The following PRDM12 variants were observed in gnomAD, a reference collection of about 807,000 sequenced individuals.
The protein encoded by PRDM12 is PR domain zinc finger protein 12.
Under a neutral mutation model 29.6 loss-of-function variants are expected in PRDM12, and 17 were observed. That is an observed-to-expected ratio of 0.57 (90% confidence interval 0.39 to 0.86). The LOEUF (loss-of-function observed/expected upper bound fraction) is 0.86. Among genes scored for constraint, PRDM12 ranks in the 40% least tolerant of loss-of-function variants. PRDM12 has a pLI of 0.00. For synonymous variants in PRDM12, 231 were observed against 225.8 expected (o/e 1.02, Z -0.21); for missense variants, 422 against 510.8 (o/e 0.83, Z 1.68).
chr9:130,675,539 G>C (rs111788945), intron 3 of PRDM12, among the ~76,000 whole-genome samples: 1 of 152,224 alleles, frequency 6.6e-6, no homozygotes, highest in Admixed American at 6.5e-5. Context: ...ACCTGGATGC[G>C]CCAGAAACCG....
intron 2 of PRDM12, 105 bp downstream of exon 2, chr9:130,666,903 G>T (rs1029051997): frequency 7.0e-7 from 1 of 1,428,222 alleles, no homozygotes; most frequent in African/African-American, 1.5e-5. Flanking sequence ...GGCTGAGAGC[G>T]GCGGACACTC....
chr9:130,680,657 A>ATTTTTTTT (rs1399560598), intron 4 of PRDM12, among the ~76,000 whole-genome samples: 3 of 87,496 alleles, frequency 3.4e-5, no homozygotes, highest in African/African-American at 2.1e-4. Context: ...ATATATATAT[A>ATTTTTTTT]TATTTTTTTT....
chr9:130,669,684 C>A (rs374319454), intron 3 of PRDM12, among the ~76,000 whole-genome samples: 18 of 150,736 alleles, frequency 1.2e-4, no homozygotes, highest in African/African-American at 4.4e-4. Flanking sequence ...GGTGTGGTTG[C>A]GGGTGCCTGT....
intron 2 of PRDM12, among the ~76,000 whole-genome samples, chr9:130,667,940 G>A (rs989107258): frequency 2.6e-5 from 4 of 152,238 alleles, no homozygotes; most frequent in African/African-American, 7.2e-5. Flanking sequence ...TCAGCCCATA[G>A]AGCCCTGGAG....
chr9:130,676,837 G>A (rs1168638187), intron 3 of PRDM12, among the ~76,000 whole-genome samples: 2 of 152,200 alleles, frequency 1.3e-5, no homozygotes, highest in Non-Finnish European at 2.9e-5. Context: ...CTGAGTCTCA[G>A]GAGGATGGCT....
In PRDM12 at chr9:130,682,826, G is replaced by A. The variant is rs1013694711; in HGVS notation, c.*1157G>A. 6.6e-6 allele frequency: 1 copy of A among 152,616 alleles called. No homozygotes were observed. The highest frequency in any genetic ancestry group is 1.5e-5 in the Non-Finnish European group (1 of 68,046). The allele number at this position is 152,616 out of a possible 1,614,324, so 9.5% of individuals were successfully genotyped here. A position where few individuals can be genotyped will look rare whatever the true frequency, so the allele number is the denominator to read the frequency against. ...ATGTATAGAGTTTTCAAGAAACTGCGTTCTACTTCCAGAAGATGGTCACTT... is the reference window on the plus strand; with the variant it reads ...ATGTATAGAGTTTTCAAGAAACTGCATTCTACTTCCAGAAGATGGTCACTT... On this transcript the variant is annotated 3_prime_UTR_variant, in exon 5 of 5. Coordinates refer to ENST00000253008, the MANE Select transcript of PRDM12 (RefSeq NM_021619.3). The surrounding 1 kb of genome is among the most constrained non-coding windows in gnomAD (Gnocchi z 4.2).
chr9:130,666,993 C>T (rs895704266), intron 2 of PRDM12, among the ~76,000 whole-genome samples, 195 bp downstream of exon 2: 1 of 152,230 alleles, frequency 6.6e-6, no homozygotes, highest in African/African-American at 2.4e-5. Flanking sequence ...CCTCCCAACC[C>T]GTGCCGAAAA....
chr9:130,666,547 G>A, intron 1 of PRDM12, 61 bp from the exon 2 acceptor site: 2 of 1,562,584 alleles, frequency 1.3e-6, no homozygotes, highest in Non-Finnish European at 1.7e-6. Context: ...CGGCGGGGAA[G>A]GAAGGGCCGG....
In PRDM12 at chr9:130,668,078, G is replaced by A; in HGVS notation, c.415-80G>A. 6.8e-7 allele frequency: 1 copy of A among 1,473,030 alleles called. No homozygotes were observed. The highest frequency in any genetic ancestry group is 1.8e-5 in the Admixed American group (1 of 57,108). 91.2% of individuals were successfully genotyped at this position (1,473,030 alleles called of 1,614,324 possible). ...CCTGGGGCTGTTGTGAGGATGGAGA[G>A]TGTGTGTGTGGATGTGCCTGGAAGA... On this transcript the variant is annotated intron_variant, in intron 2 of 4. Coordinates refer to ENST00000253008, the MANE Select transcript of PRDM12 (RefSeq NM_021619.3). This position sits in a 1 kb window ranked among gnomAD's most constrained non-coding sequence, Gnocchi z 4.0.
In PRDM12 at chr9:130,678,523, C is replaced by G. The variant is rs1412710883; in HGVS notation, c.571-6C>G. Reference sequence around the variant, plus strand: ...CCCTGACCTCCTCTTGCCTTCTTCCCTGCAGATGATCCCACCTGACCAGGA... The same window carrying G: ...CCCTGACCTCCTCTTGCCTTCTTCCGTGCAGATGATCCCACCTGACCAGGA... On this transcript the variant is annotated splice_polypyrimidine_tract_variant and splice_region_variant and intron_variant, in intron 3 of 4. Transcript: ENST00000253008. 6.2e-7 allele frequency: 1 copy of G among 1,605,758 alleles called. No individual in the cohort carries two copies.
chr9:130,678,861 C>T (rs1830867567), intron 4 of PRDM12, among the ~76,000 whole-genome samples: 1 of 152,074 alleles, frequency 6.6e-6, no homozygotes, highest in African/African-American at 2.4e-5. Flanking sequence ...CCTCCTGCTT[C>T]CTGGCCAGAA....
In PRDM12 at chr9:130,664,621, C is replaced by A. The variant is rs774935706; in HGVS notation, c.-33C>A. On this transcript the variant is annotated 5_prime_UTR_variant, in exon 1 of 5. Coordinates refer to ENST00000253008, the MANE Select transcript of PRDM12 (RefSeq NM_021619.3). This position sits in a 1 kb window ranked among gnomAD's most constrained non-coding sequence, Gnocchi z 6.4. ...CGCCCACCTCCCCCGTCGGCCCGGCCGTCCCCCGGCGCCGGGGAGCTCCGG... is the reference window on the plus strand; with the variant it reads ...CGCCCACCTCCCCCGTCGGCCCGGCAGTCCCCCGGCGCCGGGGAGCTCCGG... 2.8e-5 allele frequency: 42 copies of A among 1,492,774 alleles called. No individual in the cohort carries two copies. Among genetic ancestry groups the A allele is most frequent in the Non-Finnish European group, 3.5e-5 (39 of 1,123,472 alleles). The allele number at this position is 1,492,774 out of a possible 1,614,324, so 92.5% of individuals were successfully genotyped here.
intron 3 of PRDM12, among the ~76,000 whole-genome samples, chr9:130,671,809 T>C (rs988200782): frequency 1.3e-5 from 2 of 152,224 alleles, no homozygotes; most frequent in Non-Finnish European, 2.9e-5. Flanking sequence ...GGACCTCTGC[T>C]GTGATGTTTT....
In PRDM12 at chr9:130,666,558, G is replaced by A. The variant is rs776687894; in HGVS notation, c.224-50G>A. ...GTCCCGGCGGGGAAGGAAGGGCCGG[G>A]CCTCGGCTGCCTCGGGCTCTGACCG... is the stretch of plus-strand genomic sequence containing the variant. On this transcript the variant is annotated intron_variant, in intron 1 of 4. Coordinates refer to ENST00000253008, the MANE Select transcript of PRDM12 (RefSeq NM_021619.3). The A allele has an allele frequency of 3.7e-5, 58 of 1,576,038 alleles. 2 individuals carry two copies. In the South Asian group the frequency reaches 6.1e-4, roughly 16 times the overall value.
chr9:130,664,891 C>A lies in PRDM12; in HGVS notation c.223+15C>A. On this transcript the variant is annotated intron_variant, in intron 1 of 4. Transcript: ENST00000253008. This position sits in a 1 kb window ranked among gnomAD's most constrained non-coding sequence, Gnocchi z 6.4. ...CTTCTCCGGCGGTGAGTCCAGCCGT[C>A]GGAGCCCGGCGCAATCCCTCCTCCC... 1 of 1,514,112 alleles carries A rather than the reference C, an allele frequency of 6.6e-7. No homozygotes were observed. The highest frequency in any genetic ancestry group is 2.5e-5 in the East Asian group (1 of 39,776). The allele number at this position is 1,514,112 out of a possible 1,614,324, so 93.8% of individuals were successfully genotyped here.
At chr9:130,667,055 C>T (rs759614469) in intron 2 of PRDM12, among the ~76,000 whole-genome samples, 6 of 152,220 alleles carry the variant, frequency 3.9e-5, no homozygotes, top group Non-Finnish European at 7.3e-5. Flanking sequence ...GTGGTTGGCT[C>T]CACTTGGCAG....
Position 130,672,103 on chromosome 9 carries a change from C to T in PRDM12, c.570+3790C>T, listed in dbSNP as rs548945166. Among the ~76,000 whole-genome samples, 9 of 152,324 alleles carry T rather than the reference C, an allele frequency of 5.9e-5. No homozygotes were observed. In the South Asian group the frequency reaches 1.0e-3, roughly 18 times the overall value. On this transcript the variant is annotated intron_variant, in intron 3 of 4. Transcript: ENST00000253008. ...TGGCTTACTCCAGTCACAGAATTTACTATAACTTCAGGTGCCTAAAATGAC... is the reference window on the plus strand; with the variant it reads ...TGGCTTACTCCAGTCACAGAATTTATTATAACTTCAGGTGCCTAAAATGAC...
chr9:130,666,531 G>C, intron 1 of PRDM12, 77 bp from the exon 2 acceptor site: 1 of 1,548,896 alleles, frequency 6.5e-7, no homozygotes, highest in Non-Finnish European at 8.7e-7. Flanking sequence ...ACCGAAGCCG[G>C]GGTCCCGGCG....
In PRDM12 at chr9:130,668,130, ACCTGGT is replaced by A. The variant is rs781396603; in HGVS notation, c.415-24_415-19del. On this transcript the variant is annotated intron_variant, in intron 2 of 4. Transcript: ENST00000253008. The surrounding 1 kb of genome is among the most constrained non-coding windows in gnomAD (Gnocchi z 4.0). ...GGTACACATGGCATAGCCCTGCCTTACCTGGTCCTTGATCCATCTGTGCCCAGGTGT... is the reference window on the plus strand; with the variant it reads ...GGTACACATGGCATAGCCCTGCCTTACCTTGATCCATCTGTGCCCAGGTGT... 1.2e-5 allele frequency: 19 copies of A among 1,612,844 alleles called. No individual in the cohort carries two copies. Among genetic ancestry groups the A allele is most frequent in the Non-Finnish European group, 1.4e-5 (17 of 1,179,254 alleles).
Sources: allele counts gnomAD v4.1 joint callset (sites outside exome capture counted in the v4.1 genomes callset), GRCh38; gene constraint gnomAD v4.1.1; non-coding constraint Gnocchi (gnomAD v3.1); transcripts MANE v1.5; gene names NCBI Gene and HGNC (gene_info 2026-07-23, HGNC 2026-07-21).